ABLIM2: variants seen among roughly 807,000 people sequenced by gnomAD.
The protein encoded by ABLIM2 is actin-binding LIM protein 2.
Under a neutral mutation model 97.7 loss-of-function variants are expected in ABLIM2, and 53 were observed. The observed-to-expected ratio is 0.54, with a 90% CI of 0.44 to 0.68. The LOEUF is 0.68. Ranked by LOEUF, ABLIM2 falls within the 30% of genes least tolerant of loss-of-function variation. ABLIM2 has a pLI of 0.00. For synonymous variants in ABLIM2, 361 were observed against 345.8 expected (o/e 1.04, Z -0.49); for missense variants, 835 against 867.2 (o/e 0.96, Z 0.47).
At chr4:7,994,666 A>G (rs1173041121) in intron 16 of ABLIM2, among the ~76,000 whole-genome samples, 1 of 86,320 alleles carries the variant, frequency 1.2e-5, no homozygotes, top group African/African-American at 3.6e-5. Context: ...TCCCTGAGGA[A>G]TCGCCACACT....
intron 1 of ABLIM2, among the ~76,000 whole-genome samples, chr4:8,137,102 C>T (rs998900797): frequency 3.3e-5 from 5 of 152,190 alleles, no homozygotes; most frequent in Non-Finnish European, 5.9e-5. Flanking sequence ...CTTCCAGCCT[C>T]CAGAAGTGTG....
At chr4:8,036,036 G>A in intron 10 of ABLIM2, 113 bp downstream of exon 10, 5 of 1,306,668 alleles carry the variant, frequency 3.8e-6, no homozygotes, top group Non-Finnish European at 5.2e-6. Flanking sequence ...TGGGTGAGTG[G>A]TGAAGATGGA....
chr4:8,075,020 G>A lies in ABLIM2; in HGVS notation c.675+2608C>T, dbSNP rs554958178. Among the ~76,000 whole-genome samples the A allele has an allele frequency of 3.9e-5, 6 of 152,192 alleles. No homozygotes were observed. The highest frequency in any genetic ancestry group is 8.8e-5 in the Non-Finnish European group (6 of 67,994). On this transcript the variant is annotated intron_variant, in intron 6 of 20. Coordinates refer to ENST00000447017, the MANE Select transcript of ABLIM2 (RefSeq NM_001130083.2). This position sits in a 1 kb window ranked among gnomAD's most constrained non-coding sequence, Gnocchi z 4.4. ...AGGCTGGTCTTGAACTCCTGACCTC[G>A]TGATCCGCCTGCCTCAGCCTCCCAA...
Position 8,097,106 on chromosome 4 carries a change from C to A in ABLIM2, c.331G>T (p.Val111Phe), listed in dbSNP as rs764119014. The A allele has an allele frequency of 1.9e-6, 3 of 1,605,258 alleles. No individual in the cohort carries two copies. The East Asian group carries it at 6.7e-5, about 36-fold the overall frequency. The change falls in exon 3 of 21, where the codon GTC becomes TTC. Residue 111 changes from valine (V) to phenylalanine (F), a missense_variant. Val to Phe is a conservative substitution (Grantham distance 50). Coordinates refer to ENST00000447017, the MANE Select transcript of ABLIM2 (RefSeq NM_001130083.2). ...TYHPDCFVCAVCRLPFPPGDR... is the reference protein window; with the variant it reads ...TYHPDCFVCAFCRLPFPPGDR... ...AGGTGCCCACTTACTCACCGGCAGA[C>A]GGCACACACGAAGCAGTCGGGGTGG...
At chr4:8,139,254 A>AGGGGC (rs1850611071) in intron 1 of ABLIM2, among the ~76,000 whole-genome samples, 7 of 144,236 alleles carry the variant, frequency 4.9e-5, no homozygotes, top group Non-Finnish European at 7.4e-5. Flanking sequence ...AGGGGAGGGG[A>AGGGGC]ATGGAAGGGA....
At chr4:8,013,601 G>A (rs1048244157) in intron 14 of ABLIM2, among the ~76,000 whole-genome samples, 1 of 152,214 alleles carries the variant, frequency 6.6e-6, no homozygotes, top group Non-Finnish European at 1.5e-5. Context: ...AGGAGACCGA[G>A]GTCCGGAGTC....
chr4:8,075,298 G>T lies in ABLIM2; in HGVS notation c.675+2330C>A, dbSNP rs1428785318. Among the ~76,000 whole-genome samples the T allele has an allele frequency of 6.6e-6, 1 of 152,144 alleles. No individual in the cohort carries two copies. Among genetic ancestry groups the T allele is most frequent in the Admixed American group, 6.5e-5 (1 of 15,272 alleles). On this transcript the variant is annotated intron_variant, in intron 6 of 20. Coordinates refer to ENST00000447017, the MANE Select transcript of ABLIM2 (RefSeq NM_001130083.2). This position sits in a 1 kb window ranked among gnomAD's most constrained non-coding sequence, Gnocchi z 4.4. ...GTTGCCGAGGGCTTGCGGGTACGGG[G>T]AGTGACAGCTAAAAGGTATGGGGTT...
At chr4:7,980,143 C>G (rs75901493) in intron 20 of ABLIM2, among the ~76,000 whole-genome samples, 11 of 152,076 alleles carry the variant, frequency 7.2e-5, no homozygotes. Context: ...GAGGAATGAA[C>G]CCCCCCTCTC....
intron 4 of ABLIM2, among the ~76,000 whole-genome samples, chr4:8,081,960 C>T (rs1292289838): frequency 3.3e-5 from 5 of 152,064 alleles, no homozygotes; most frequent in African/African-American, 7.3e-5. Flanking sequence ...AGTGTGTCTA[C>T]GTATGTGTTT....
chr4:8,014,751 C>T (rs1767624713), intron 14 of ABLIM2, among the ~76,000 whole-genome samples: 1 of 152,180 alleles, frequency 6.6e-6, no homozygotes, highest in Non-Finnish European at 1.5e-5. Context: ...TGGGGTTTCT[C>T]CTCTCTTGAG....
intron 16 of ABLIM2, among the ~76,000 whole-genome samples, chr4:7,997,835 C>T (rs560490544): frequency 6.6e-6 from 1 of 152,018 alleles, no homozygotes; most frequent in Admixed American, 6.6e-5. Flanking sequence ...CAGACAATTC[C>T]ACCATCTGAT....
chr4:8,121,205 G>A (rs374722159), intron 1 of ABLIM2, among the ~76,000 whole-genome samples: 4 of 152,284 alleles, frequency 2.6e-5, no homozygotes, highest in South Asian at 2.1e-4. Flanking sequence ...GTGATGTGAC[G>A]GTGACCACAC....
In ABLIM2 at chr4:8,051,562, C is replaced by CAAA. The variant is rs36056609; in HGVS notation, c.822+2623_822+2625dup. Among the ~76,000 whole-genome samples, 187 of 107,800 alleles carry CAAA rather than the reference C, an allele frequency of 1.7e-3. 1 individual carries two copies. The highest frequency in any genetic ancestry group is 3.1e-3 in the Admixed American group (30 of 9,820). The allele number at this position is 107,800 out of a possible 152,430, so 70.7% of individuals were successfully genotyped here. A position where few individuals can be genotyped will look rare whatever the true frequency, so the allele number is the denominator to read the frequency against. On this transcript the variant is annotated intron_variant, in intron 8 of 20. Transcript: ENST00000447017. ...CTGAAGACAGAGCGAGATTCCATCT[C>CAAA]AAAAAAAAAAAAAAAAAGAAAAGAA...
rs2151010201 is a variant in ABLIM2, at chr4:8,023,829, C to A, written c.1268-3526G>T. Among the ~76,000 whole-genome samples, 1 of 152,330 alleles carries A rather than the reference C, an allele frequency of 6.6e-6. No individual in the cohort carries two copies. ...GCTCTTGCTATTATACTCTAGTTTA[C>A]AATCCAATGACACATCCTTCATCGT... On this transcript the variant is annotated intron_variant, in intron 12 of 20. Coordinates refer to ENST00000447017, the MANE Select transcript of ABLIM2 (RefSeq NM_001130083.2). This position sits in a 1 kb window ranked among gnomAD's most constrained non-coding sequence, Gnocchi z 5.7.
intron 6 of ABLIM2, among the ~76,000 whole-genome samples, chr4:8,077,183 C>T (rs1443365729): frequency 6.6e-6 from 1 of 152,126 alleles, no homozygotes; most frequent in Non-Finnish European, 1.5e-5. Context: ...ATGACTACCT[C>T]CCAGACCAAG....
rs201611635 is a variant in ABLIM2 at position 7,992,867 on chromosome 4, C to G, written c.1679G>C (p.Arg560Pro). ...PGHGKNGLDQRNANLAPCGAD... is the reference protein window; with the variant it reads ...PGHGKNGLDQPNANLAPCGAD... ...GGCCAGGGAGGGGTCAGTACCTACC[C>G]GCTGGTCCAAGCCATTCTTTCCATG... The change falls in exon 17 of 21, where the codon CGG (arginine) becomes CCG (proline). Residue 560 changes from arginine (R) to proline (P), a missense_variant and splice_region_variant. Physicochemically the swap from Arg to Pro is moderately radical, Grantham distance 103. Transcript: ENST00000447017. The surrounding 1 kb of genome is among the most constrained non-coding windows in gnomAD (Gnocchi z 5.7). 2 of 1,612,390 alleles carry G rather than the reference C, an allele frequency of 1.2e-6. No homozygotes were observed. The highest frequency in any genetic ancestry group is 2.2e-5 in the South Asian group (2 of 90,562).
Position 8,004,575 on chromosome 4 carries a change from G to C in ABLIM2, c.1618+3484C>G, listed in dbSNP as rs372260504. Among the ~76,000 whole-genome samples, 1 of 152,126 alleles carries C rather than the reference G, an allele frequency of 6.6e-6. No individual in the cohort carries two copies. The highest frequency in any genetic ancestry group is 1.9e-4 in the East Asian group (1 of 5,166). Reference sequence around the variant, plus strand: ...CGCCTCTGACCTTCGAGGGTGGGACGTGAGAGACCTCAAAAGAGAGGATGG... The same window carrying C: ...CGCCTCTGACCTTCGAGGGTGGGACCTGAGAGACCTCAAAAGAGAGGATGG... On this transcript the variant is annotated intron_variant, in intron 16 of 20. Transcript: ENST00000447017. The surrounding 1 kb of genome is among the most constrained non-coding windows in gnomAD (Gnocchi z 5.9).
chr4:7,968,403 A>G (rs1427859928), intron 20 of ABLIM2, among the ~76,000 whole-genome samples: 1 of 152,266 alleles, frequency 6.6e-6, no homozygotes, highest in Non-Finnish European at 1.5e-5. Flanking sequence ...GCATTACTCT[A>G]AATCACTGCA....
chr4:8,101,955 C>T (rs1249059212), intron 2 of ABLIM2, among the ~76,000 whole-genome samples: 14 of 152,186 alleles, frequency 9.2e-5, no homozygotes, highest in Non-Finnish European at 1.5e-5. Context: ...CCTTCACACC[C>T]CTCATCCCAG....
Sources: gnomAD v4.1 joint callset for allele counts (sites outside exome capture counted in the v4.1 genomes callset) on GRCh38, gnomAD v4.1.1 for gene constraint, Gnocchi (gnomAD v3.1) non-coding constraint, MANE v1.5 for transcripts, NCBI Gene and HGNC (gene_info 2026-07-23, HGNC 2026-07-21) for gene names.